Variants in FXR1 observed in about 807,000 individuals in gnomAD.
FXR1 encodes the protein RNA-binding protein FXR1.
A neutral mutation model predicts 84.0 loss-of-function variants in FXR1; 15 were observed. The ratio of observed to expected loss-of-function variants is 0.18; its 90% CI spans 0.12 to 0.27. The LOEUF is 0.27. Ranked by LOEUF, FXR1 falls within the 10% of genes least tolerant of loss-of-function variation. The probability of loss-of-function intolerance (pLI) is 1.00; values close to 1 mark genes in which losing one functional copy is unlikely to be tolerated. For missense variants in FXR1, 480 were observed against 774.4 expected (o/e 0.62, Z 4.51); for synonymous variants, 245 against 250.7 (o/e 0.98, Z 0.21).
At chr3:180,976,077 G>C (rs1020151315) in intron 16 of FXR1, 45 bp from the exon 17 acceptor site, 1 of 1,500,692 alleles carries the variant, frequency 6.7e-7, no homozygotes, top group Admixed American at 2.0e-5. Context: ...CTCAGCTATA[G>C]ATTTCATTTA....
intron 1 of FXR1, among the ~76,000 whole-genome samples, chr3:180,926,313 C>T (rs147725910): frequency 6.6e-5 from 10 of 151,882 alleles, no homozygotes; most frequent in Non-Finnish European, 1.3e-4. Flanking sequence ...CTGATACTTC[C>T]TTTTGCTTCC....
At chr3:180,916,805 A>G (rs1004580947) in intron 1 of FXR1, among the ~76,000 whole-genome samples, 2 of 152,016 alleles carry the variant, frequency 1.3e-5, no homozygotes, top group African/African-American at 4.8e-5. Context: ...AAGCTCTGAG[A>G]TTTCAGTCAC....
intron 1 of FXR1, among the ~76,000 whole-genome samples, chr3:180,924,156 G>A (rs1200153962): frequency 4.6e-5 from 7 of 151,946 alleles, no homozygotes; most frequent in African/African-American, 1.7e-4. Flanking sequence ...ATAGGGTTTC[G>A]CCATGTTGGC....
intron 1 of FXR1, among the ~76,000 whole-genome samples, chr3:180,931,739 GTTTT>G (rs5854881): frequency 9.9e-6 from 1 of 101,430 alleles, no homozygotes; most frequent in Non-Finnish European, 1.8e-5. Context: ...GTTGTTGTGG[GTTTT>G]TTTTTTTTTT....
rs544060292 is a variant in FXR1, at chr3:180,982,041, A to C, written c.*5749A>C. 6.6e-6 allele frequency: 1 copy of C among 152,212 alleles called. No homozygotes were observed. The highest frequency in any genetic ancestry group is 1.5e-5 in the Non-Finnish European group (1 of 67,956). The allele number at this position is 152,212 out of a possible 1,614,324, so 9.4% of individuals were successfully genotyped here. Reference sequence around the variant, plus strand: ...CAGTACTATCAAGGAAAACATGCTTAGGTTATCAGAATTGTGAAGGCCATA... The same window carrying C: ...CAGTACTATCAAGGAAAACATGCTTCGGTTATCAGAATTGTGAAGGCCATA... On this transcript the variant is annotated 3_prime_UTR_variant, in exon 17 of 17. Coordinates refer to ENST00000357559, the MANE Select transcript of FXR1 (RefSeq NM_005087.4).
intron 3 of FXR1, among the ~76,000 whole-genome samples, chr3:180,936,974 G>A (rs756665181): frequency 6.6e-6 from 1 of 152,200 alleles, no homozygotes; most frequent in Non-Finnish European, 1.5e-5. Context: ...TGAAGTGACT[G>A]CTGCAAATCA....
intron 1 of FXR1, chr3:180,914,541 A>C (rs190695776): frequency 6.5e-6 from 1 of 152,862 alleles, no homozygotes; most frequent in African/African-American, 2.4e-5. Flanking sequence ...TATATTTGTC[A>C]ATAGCCTGCT....
At chr3:180,958,136 T>TA (rs1328472317) in intron 10 of FXR1, among the ~76,000 whole-genome samples, 4 of 152,130 alleles carry the variant, frequency 2.6e-5, no homozygotes, top group African/African-American at 4.8e-5. Context: ...AGTACTTCAG[T>TA]AAAAAAAGCC....
In FXR1 at chr3:180,973,687, A is replaced by C. The variant is rs140110332; in HGVS notation, c.1604-1626A>C. 7.2e-5 allele frequency among the ~76,000 whole-genome samples: 11 copies of C among 152,308 alleles called. No homozygotes were observed. In the East Asian group the frequency reaches 2.1e-3, roughly 29 times the overall value. On this transcript the variant is annotated intron_variant, in intron 15 of 16. Transcript: ENST00000357559. Reference sequence around the variant, plus strand: ...TCAAGATGAGCGTACTGTTTCTTACAGTTTGGAAGGAAGGAGGCAGTTTCA... The same window carrying C: ...TCAAGATGAGCGTACTGTTTCTTACCGTTTGGAAGGAAGGAGGCAGTTTCA...
At chr3:180,944,250 A>G (rs1288469621) in intron 3 of FXR1, among the ~76,000 whole-genome samples, 1 of 152,008 alleles carries the variant, frequency 6.6e-6, no homozygotes, top group Non-Finnish European at 1.5e-5. Flanking sequence ...ATACTTGGGA[A>G]AACAGTCATC....
At chr3:180,940,584 T>C (rs1721013656) in intron 3 of FXR1, among the ~76,000 whole-genome samples, 1 of 150,104 alleles carries the variant, frequency 6.7e-6, no homozygotes, top group African/African-American at 2.5e-5. Flanking sequence ...TTTTCTGTTT[T>C]CTTTTTTTTT....
intron 2 of FXR1, among the ~76,000 whole-genome samples, chr3:180,933,747 T>A (rs1720201621): frequency 6.6e-6 from 1 of 152,172 alleles, no homozygotes; most frequent in Non-Finnish European, 1.5e-5. Flanking sequence ...AAGCCATTTT[T>A]AATTGCCTGA....
At chr3:180,975,166 GT>G in intron 15 of FXR1, 146 bp from the exon 16 acceptor site, 2 of 410,068 alleles carry the variant, frequency 4.9e-6, no homozygotes, top group Non-Finnish European at 4.5e-6. Context: ...TTAAAGCTTT[GT>G]TTTTGGTTGG....
intron 10 of FXR1, among the ~76,000 whole-genome samples, chr3:180,958,326 C>T (rs1296860184): frequency 1.3e-5 from 2 of 151,912 alleles, no homozygotes; most frequent in East Asian, 1.9e-4. Context: ...GATTTTAGTG[C>T]ACCTGTCACC....
intron 2 of FXR1, among the ~76,000 whole-genome samples, chr3:180,933,903 G>A (rs894739193): frequency 9.2e-5 from 14 of 152,136 alleles, no homozygotes. Flanking sequence ...TTGAGGTCAG[G>A]AGTGTGAGAC....
At chr3:180,920,151 CAGAGGCT>C (rs1718406652) in intron 1 of FXR1, among the ~76,000 whole-genome samples, 1 of 152,160 alleles carries the variant, frequency 6.6e-6, no homozygotes, top group African/African-American at 2.4e-5. Flanking sequence ...TCAGGAGCCT[CAGAGGCT>C]CCTGAATTCC....
intron 10 of FXR1, among the ~76,000 whole-genome samples, chr3:180,960,199 C>T (rs1338893943): frequency 1.3e-5 from 2 of 152,120 alleles, no homozygotes; most frequent in Admixed American, 6.5e-5. Context: ...CCAAGTCTGG[C>T]CTAATACTTT....
intron 1 of FXR1, among the ~76,000 whole-genome samples, chr3:180,922,921 A>G (rs2108428465): frequency 6.6e-6 from 1 of 151,952 alleles, no homozygotes; most frequent in Non-Finnish European, 1.5e-5. Flanking sequence ...CTGCCTCCCC[A>G]TCCTTTTAAC....
intron 1 of FXR1, among the ~76,000 whole-genome samples, chr3:180,926,292 GT>G (rs1339295832): frequency 1.3e-5 from 2 of 151,978 alleles, no homozygotes; most frequent in African/African-American, 4.8e-5. Flanking sequence ...GAGGGAAGCA[GT>G]AATGTGCGTC....
Sources: gnomAD v4.1 joint callset for allele counts (sites outside exome capture counted in the v4.1 genomes callset) on GRCh38, gnomAD v4.1.1 for gene constraint, MANE v1.5 for transcripts, NCBI Gene and HGNC (gene_info 2026-07-23, HGNC 2026-07-21) for gene names.